The following NBEA variants were observed in gnomAD, a reference collection of about 807,000 sequenced individuals.
NBEA encodes neurobeachin.
In NBEA, 44 loss-of-function variants were observed where a neutral mutation model predicts 343.4. The ratio of observed to expected loss-of-function variants is 0.13; its 90% confidence interval spans 0.10 to 0.16. NBEA has a LOEUF of 0.16. Among genes scored for constraint, NBEA ranks in the 10% least tolerant of loss-of-function variants. The pLI is 1.00. For synonymous variants in NBEA, 1,175 were observed against 1,238.7 expected (o/e 0.95, Z 1.08); for missense variants, 2,555 against 3,631.3 (o/e 0.70, Z 7.62).
chr13:35,389,673 G>T (rs920925933), intron 38 of NBEA, among the ~76,000 whole-genome samples: 3 of 151,974 alleles, frequency 2.0e-5, no homozygotes, highest in Non-Finnish European at 4.4e-5. Flanking sequence ...ATTTTAAATG[G>T]TTCCTACTTT....
At chr13:35,573,622 C>G (rs2080556245) in intron 45 of NBEA, among the ~76,000 whole-genome samples, 1 of 152,134 alleles carries the variant, frequency 6.6e-6, no homozygotes, top group Non-Finnish European at 1.5e-5. Context: ...ATCCTCTTTT[C>G]TTGTTCCTTC....
At chr13:35,624,918 G>A (rs1490611958) in intron 48 of NBEA, among the ~76,000 whole-genome samples, 1 of 151,954 alleles carries the variant, frequency 6.6e-6, no homozygotes, top group African/African-American at 2.4e-5. Context: ...GCAGCTTTAT[G>A]TCTTCGTTTC....
chr13:35,384,146 G>T (rs899151278), intron 38 of NBEA, among the ~76,000 whole-genome samples: 30 of 152,070 alleles, frequency 2.0e-4, no homozygotes, highest in African/African-American at 7.0e-4. Flanking sequence ...CCAAGGAAAA[G>T]GTTAGAAAAC....
intron 17 of NBEA, among the ~76,000 whole-genome samples, chr13:35,134,652 T>A (rs2067620738): frequency 6.6e-6 from 1 of 151,838 alleles, no homozygotes; most frequent in Admixed American, 6.6e-5. Flanking sequence ...AAGATTAAAG[T>A]TAGAAGAACT....
chr13:35,363,220 T>G (rs974473016), intron 38 of NBEA, among the ~76,000 whole-genome samples: 1 of 152,034 alleles, frequency 6.6e-6, no homozygotes. Flanking sequence ...TAGGTAGAAA[T>G]TTTAATAATT....
chr13:35,303,062 A>G (rs893651074), intron 35 of NBEA, among the ~76,000 whole-genome samples: 1 of 152,304 alleles, frequency 6.6e-6, no homozygotes, highest in African/African-American at 2.4e-5. Flanking sequence ...GGTGAGCAGG[A>G]CAGATAGCAG....
intron 1 of NBEA, among the ~76,000 whole-genome samples, chr13:34,966,107 CAT>C (rs1198681452): frequency 6.6e-6 from 1 of 151,964 alleles, no homozygotes; most frequent in Non-Finnish European, 1.5e-5. Flanking sequence ...AACTTTATGA[CAT>C]AGGCATTTGT....
chr13:35,310,118 C>T (rs1170916093), intron 36 of NBEA, among the ~76,000 whole-genome samples: 4 of 151,450 alleles, frequency 2.6e-5, no homozygotes, highest in African/African-American at 4.9e-5. Context: ...TGGTTAAAAT[C>T]GCAGTGCCAA....
At chr13:35,043,773 AT>A (rs142275206) in intron 2 of NBEA, among the ~76,000 whole-genome samples, 373 of 152,076 alleles carry the variant, frequency 2.5e-3, no homozygotes, top group African/African-American at 8.1e-3. Context: ...AATGACAAAT[AT>A]TTTTTAAAGT....
intron 8 of NBEA, among the ~76,000 whole-genome samples, chr13:35,063,872 G>T (rs2063552731): frequency 6.6e-6 from 1 of 151,976 alleles, no homozygotes; most frequent in South Asian, 2.1e-4. Context: ...AGGATTTTCT[G>T]TCACTGTGAA....
At chr13:35,314,115 G>T (rs1440564162) in intron 36 of NBEA, among the ~76,000 whole-genome samples, 1 of 152,086 alleles carries the variant, frequency 6.6e-6, no homozygotes, top group African/African-American at 2.4e-5. Flanking sequence ...TAAATTGGTG[G>T]CAGAATTCAG....
chr13:35,185,386 T>C (rs766464901), intron 30 of NBEA: 3 of 152,178 alleles, frequency 2.0e-5, no homozygotes, highest in Non-Finnish European at 4.4e-5. Context: ...CAAAATATTT[T>C]TGTTACAACT....
At chr13:35,129,881 A>G (rs2067321645) in intron 17 of NBEA, among the ~76,000 whole-genome samples, 1 of 152,094 alleles carries the variant, frequency 6.6e-6, no homozygotes. Flanking sequence ...ATATTAAAAG[A>G]AATATAATAT....
intron 34 of NBEA, among the ~76,000 whole-genome samples, chr13:35,256,930 C>G (rs1384378297): frequency 6.6e-6 from 1 of 152,186 alleles, no homozygotes; most frequent in African/African-American, 2.4e-5. Flanking sequence ...CAGTTGCACC[C>G]GGGAGCCTGG....
intron 2 of NBEA, among the ~76,000 whole-genome samples, chr13:35,044,273 A>G (rs998464810): frequency 5.3e-5 from 8 of 152,126 alleles, no homozygotes; most frequent in African/African-American, 1.4e-4. Flanking sequence ...TGCTAGGTCT[A>G]TGTTCTTGGG....
rs183794400 is a variant in NBEA at position 35,499,764 on chromosome 13, A to C, written c.6585+27228A>C. On this transcript the variant is annotated intron_variant, in intron 41 of 58. Transcript: ENST00000379939. ...CAAGGACTCCTAAGTTTCTCCCCTC[A>C]GACTGCCTACAGAAGAAACACAATT... Among the ~76,000 whole-genome samples the C allele has an allele frequency of 3.8e-3, 576 of 152,198 alleles. 3 individuals are homozygous for C. The highest frequency in any genetic ancestry group is 4.1e-3 in the Non-Finnish European group (276 of 67,982).
intron 28 of NBEA, among the ~76,000 whole-genome samples, chr13:35,181,813 C>T (rs564356797): frequency 4.0e-5 from 6 of 151,872 alleles, no homozygotes; most frequent in East Asian, 3.9e-4. Context: ...CTTATGCTGC[C>T]ATAATCATAC....
At chr13:35,191,322 A>G (rs2072176599) in intron 30 of NBEA, among the ~76,000 whole-genome samples, 1 of 152,038 alleles carries the variant, frequency 6.6e-6, no homozygotes, top group African/African-American at 2.4e-5. Context: ...AGTAGGATAA[A>G]CTCAAGAGAG....
intron 38 of NBEA, among the ~76,000 whole-genome samples, chr13:35,398,417 G>T (rs572462764): frequency 6.6e-6 from 1 of 152,160 alleles, no homozygotes; most frequent in East Asian, 1.9e-4. Flanking sequence ...GATTGATTTT[G>T]CCCAGATCCA....
Sources: gnomAD v4.1 joint callset for allele counts (sites outside exome capture counted in the v4.1 genomes callset) on GRCh38, gnomAD v4.1.1 for gene constraint, MANE v1.5 for transcripts, NCBI Gene and HGNC (gene_info 2026-07-23, HGNC 2026-07-21) for gene names.